The following PCDHGA9 variants were observed in gnomAD, a reference collection of about 807,000 sequenced individuals.
The protein encoded by PCDHGA9 is protocadherin gamma subfamily A, 9, also known as protocadherin gamma-A9.
Under a neutral mutation model 62.5 loss-of-function variants are expected in PCDHGA9, and 37 were observed. The ratio of observed to expected loss-of-function variants is 0.59; its 90% CI spans 0.46 to 0.78. The LOEUF is 0.78. PCDHGA9 is among the 30% of genes least tolerant of loss of function. PCDHGA9 has a pLI of 0.00. For missense variants in PCDHGA9, 1,138 were observed against 1,166.2 expected (o/e 0.98, Z 0.35); for synonymous variants, 459 against 484.6 (o/e 0.95, Z 0.69).
chr5:141,494,234 A>G (rs1299510042), intron 1 of PCDHGA9, among the ~76,000 whole-genome samples: 1 of 152,138 alleles, frequency 6.6e-6, no homozygotes, highest in Non-Finnish European at 1.5e-5. Context: ...CTAAATTAAT[A>G]ATGTATTTAG....
intron 1 of PCDHGA9, chr5:141,414,096 A>G (rs2095708665): frequency 1.9e-6 from 3 of 1,595,210 alleles, no homozygotes; most frequent in Middle Eastern, 3.3e-4. Context: ...AAATAAAAAT[A>G]TCAGAAAATC....
At chr5:141,410,037 G>T (rs760397726) in intron 1 of PCDHGA9, 2 of 1,613,250 alleles carry the variant, frequency 1.2e-6, no homozygotes, top group South Asian at 2.2e-5. Flanking sequence ...CTGCAGGCCA[G>T]TGAGCCCGGA....
intron 1 of PCDHGA9, chr5:141,417,977 G>A (rs752463782): frequency 6.2e-7 from 1 of 1,613,872 alleles, no homozygotes; most frequent in Admixed American, 1.7e-5. Flanking sequence ...GATTCCGGAG[G>A]AGCTGGCCAA....
intron 1 of PCDHGA9, chr5:141,410,203 C>T: frequency 1.9e-6 from 3 of 1,614,022 alleles, no homozygotes; most frequent in Non-Finnish European, 2.5e-6. Flanking sequence ...TCGCAGACAA[C>T]TTGCAAGAGA....
chr5:141,433,365 A>G (rs1347170890), intron 1 of PCDHGA9: 7 of 523,718 alleles, frequency 1.3e-5, no homozygotes, highest in Non-Finnish European at 2.4e-5. Context: ...CTGCCTATCT[A>G]TCTATCTATC....
chr5:141,404,970 C>A lies in PCDHGA9; in HGVS notation c.2018C>A (p.Ala673Asp), dbSNP rs1470955697. The change falls in exon 1 of 4, where the codon GCT becomes GAT. Residue 673 changes from alanine (A) to aspartate (D), a missense_variant. Coordinates refer to ENST00000573521, the MANE Select transcript of PCDHGA9 (RefSeq NM_018921.3). ...AIADSIPDIL[A>D]DLGSLQIPAD... Reference sequence around the variant, plus strand: ...GCTGACAGCATCCCAGACATCCTGGCTGACCTGGGCAGTCTTCAGATCCCT... The same window carrying A: ...GCTGACAGCATCCCAGACATCCTGGATGACCTGGGCAGTCTTCAGATCCCT... The A allele has an allele frequency of 6.2e-7, 1 of 1,613,940 alleles. No homozygotes were observed. Among genetic ancestry groups the A allele is most frequent in the Non-Finnish European group, 8.5e-7 (1 of 1,179,906 alleles).
chr5:141,492,043 TC>T (rs1323524482), intron 1 of PCDHGA9: 5 of 518,152 alleles, frequency 9.6e-6, no homozygotes, highest in Non-Finnish European at 1.7e-5. Context: ...CAGTCACAGA[TC>T]CACCCCTGCA....
chr5:141,460,498 T>G (rs1028506755), intron 1 of PCDHGA9, among the ~76,000 whole-genome samples: 1 of 152,184 alleles, frequency 6.6e-6, no homozygotes. Context: ...TGGAAAAATA[T>G]GCTGAGAAGG....
chr5:141,425,530 A>G (rs1485711838), intron 1 of PCDHGA9, among the ~76,000 whole-genome samples: 1 of 152,246 alleles, frequency 6.6e-6, no homozygotes, highest in Non-Finnish European at 1.5e-5. Flanking sequence ...ACATGAAACA[A>G]TAATCCTTTT....
chr5:141,407,455 C>G (rs2094931708), intron 1 of PCDHGA9, among the ~76,000 whole-genome samples: 1 of 148,412 alleles, frequency 6.7e-6, no homozygotes, highest in African/African-American at 2.5e-5. Context: ...ACGAGGCTCA[C>G]CAGACAGATG....
chr5:141,427,890 G>T lies in PCDHGA9; in HGVS notation c.2424+22514G>T, dbSNP rs1438515062. 1.9e-6 allele frequency: 3 copies of T among 1,566,844 alleles called. No homozygotes were observed. In the South Asian group the frequency reaches 3.3e-5, roughly 17 times the overall value. Reference sequence around the variant, plus strand: ...GCTCACGATGCAGGCCCACGACCAGGGCTCGCCCGCGCTCAGCGCCAACAT... The same window carrying T: ...GCTCACGATGCAGGCCCACGACCAGTGCTCGCCCGCGCTCAGCGCCAACAT... On this transcript the variant is annotated intron_variant, in intron 1 of 3. Transcript: ENST00000573521.
At chr5:141,427,952 T>C (rs1311471634) in intron 1 of PCDHGA9, 38 of 1,587,018 alleles carry the variant, frequency 2.4e-5, no homozygotes, top group Non-Finnish European at 2.8e-5. Flanking sequence ...TCAATGACAA[T>C]GTGCCGCGGG....
At chr5:141,429,105 C>G (rs936114624) in intron 1 of PCDHGA9, 1 of 152,318 alleles carries the variant, frequency 6.6e-6, no homozygotes, top group Non-Finnish European at 1.5e-5. Flanking sequence ...CTGCCCGCCT[C>G]GGCCTCCCAA....
At chr5:141,448,999 G>GT (rs910018882) in intron 1 of PCDHGA9, among the ~76,000 whole-genome samples, 19 of 151,698 alleles carry the variant, frequency 1.3e-4, no homozygotes, top group South Asian at 2.1e-4. Flanking sequence ...ATAGAAAGCT[G>GT]TTTTTTTTAA....
chr5:141,437,116 GA>G (rs914218907), intron 1 of PCDHGA9, among the ~76,000 whole-genome samples: 4 of 152,150 alleles, frequency 2.6e-5, no homozygotes, highest in African/African-American at 9.7e-5. Flanking sequence ...GGATTTTTAG[GA>G]CACTTGTTGA....
rs922042985 is a variant in PCDHGA9, at chr5:141,415,768, T to G, written c.2424+10392T>G. 1.6e-5 allele frequency: 22 copies of G among 1,345,224 alleles called. No homozygotes were observed. The African/African-American group carries it at 3.6e-4, about 22-fold the overall frequency. The allele number at this position is 1,345,224 out of a possible 1,614,324, so 83.3% of individuals were successfully genotyped here. ...TTTTTTTTTTTTTTTTTTTTTTTTT[T>G]TTTTACTTTCTGGTAAAATTCACCT... is the stretch of plus-strand genomic sequence containing the variant. On this transcript the variant is annotated intron_variant, in intron 1 of 3. Coordinates refer to ENST00000573521, the MANE Select transcript of PCDHGA9 (RefSeq NM_018921.3).
intron 1 of PCDHGA9, among the ~76,000 whole-genome samples, chr5:141,474,187 T>A (rs2099345004): frequency 6.6e-6 from 1 of 152,210 alleles, no homozygotes; most frequent in South Asian, 2.1e-4. Context: ...ACTACTTACA[T>A]TTTTAAAAGC....
chr5:141,489,425 G>T lies in PCDHGA9; in HGVS notation c.2425-5382G>T, dbSNP rs779739693. 6.2e-7 allele frequency: 1 copy of T among 1,614,118 alleles called. No homozygotes were observed. The highest frequency in any genetic ancestry group is 8.5e-7 in the Non-Finnish European group (1 of 1,180,030). The stretch of plus-strand genomic sequence containing the variant: ...TTAAAGATGACAGATCTGTTGAGCC[G>T]GCGGCTGCAATTGGGCTCTGAGGAG... On this transcript the variant is annotated intron_variant, in intron 1 of 3. Transcript: ENST00000573521. This position sits in a 1 kb window ranked among gnomAD's most constrained non-coding sequence, Gnocchi z 4.5.
At chr5:141,453,969 A>T (rs543979166) in intron 1 of PCDHGA9, among the ~76,000 whole-genome samples, 13 of 152,356 alleles carry the variant, frequency 8.5e-5, no homozygotes, top group South Asian at 2.1e-4. Flanking sequence ...CAAAGCATGT[A>T]GTTGTGTTGC....
Sources: gnomAD v4.1 joint callset for allele counts (sites outside exome capture counted in the v4.1 genomes callset) on GRCh38, gnomAD v4.1.1 for gene constraint, Gnocchi (gnomAD v3.1) non-coding constraint, MANE v1.5 for transcripts, NCBI Gene and HGNC (gene_info 2026-07-23, HGNC 2026-07-21) for gene names.